Variants in RASGEF1B observed in about 807,000 individuals in gnomAD.
The protein encoded by RASGEF1B is ras-GEF domain-containing family member 1B.
A neutral mutation model predicts 65.7 loss-of-function variants in RASGEF1B; 30 were observed. The ratio of observed to expected loss-of-function variants is 0.46; its 90% confidence interval spans 0.34 to 0.62. RASGEF1B has a LOEUF of 0.62. Among genes scored for constraint, RASGEF1B ranks in the 20% least tolerant of loss-of-function variants. RASGEF1B has a pLI of 0.01. For missense variants in RASGEF1B, 495 were observed against 580.1 expected, an observed-to-expected ratio of 0.85 and a Z score of 1.51; for synonymous variants, 175 against 194.8, an observed-to-expected ratio of 0.90 and a Z score of 0.85.
intron 9 of RASGEF1B, among the ~76,000 whole-genome samples, chr4:81,441,400 T>C (rs1017306037): frequency 8.5e-5 from 13 of 152,142 alleles, no homozygotes; most frequent in Middle Eastern, 3.2e-3. Flanking sequence ...ACATTATATA[T>C]ATAATGGTAA....
chr4:81,451,775 A>G (rs1722269894), intron 4 of RASGEF1B: 1 of 152,224 alleles, frequency 6.6e-6, no homozygotes, highest in Non-Finnish European at 1.5e-5. Flanking sequence ...AACTCATTTA[A>G]AAATATTTAT....
At chr4:81,459,603 A>G (rs530217325) in intron 1 of RASGEF1B, 89 bp from the exon 2 acceptor site, 37 of 986,404 alleles carry the variant, frequency 3.8e-5, no homozygotes, top group Admixed American at 2.8e-4. Context: ...AAGATTTAAT[A>G]GTAACGAGAG....
chr4:81,459,170 C>G, intron 2 of RASGEF1B, 162 bp downstream of exon 2: 1 of 606,382 alleles, frequency 1.6e-6, no homozygotes, highest in Non-Finnish European at 2.8e-6. Flanking sequence ...CTTATCCAGG[C>G]TCGATTTGAT....
Position 81,440,827 on chromosome 4 carries a change from T to G in RASGEF1B, c.1104+7A>C. On this transcript the variant is annotated splice_region_variant and intron_variant, in intron 10 of 13. Coordinates refer to ENST00000264400, the MANE Select transcript of RASGEF1B (RefSeq NM_152545.3). ...ACCATAAGAAAGATACTTCTTTAAG[T>G]GCATACCTTTTCTCTACTACTATGA... 1 of 1,565,800 alleles carries G rather than the reference T, an allele frequency of 6.4e-7. No homozygotes were observed.
chr4:81,466,260 G>A (rs1722798858), intron 1 of RASGEF1B, among the ~76,000 whole-genome samples: 1 of 152,128 alleles, frequency 6.6e-6, no homozygotes, highest in South Asian at 2.1e-4. Flanking sequence ...CCTTGAAGCT[G>A]CATAGATCTG....
At chr4:81,437,016 G>A (rs184662350) in intron 10 of RASGEF1B, among the ~76,000 whole-genome samples, 29 of 152,196 alleles carry the variant, frequency 1.9e-4, no homozygotes, top group Admixed American at 1.3e-3. Context: ...CATTATGTTA[G>A]AACTAAACAG....
intron 1 of RASGEF1B, among the ~76,000 whole-genome samples, chr4:81,470,239 A>G (rs1261487979): frequency 6.6e-6 from 1 of 152,228 alleles, no homozygotes; most frequent in Non-Finnish European, 1.5e-5. Flanking sequence ...TATTAAAGAA[A>G]GCAACTCTAT....
chr4:81,449,132 C>T (rs886730385), intron 4 of RASGEF1B, among the ~76,000 whole-genome samples: 8 of 152,174 alleles, frequency 5.3e-5, no homozygotes, highest in Non-Finnish European at 1.0e-4. Flanking sequence ...TTGACTTACA[C>T]ATAAAATGTG....
Position 81,440,872 on chromosome 4 carries a change from C to A in RASGEF1B, c.1066G>T (p.Ala356Ser). The A allele has an allele frequency of 6.2e-7, 1 of 1,612,898 alleles. No homozygotes were observed. The highest frequency in any genetic ancestry group is 8.5e-7 in the Non-Finnish European group (1 of 1,179,186). The change falls in exon 10 of 14, where the codon GCA becomes TCA. Residue 356 changes from alanine (A) to serine (S), a missense_variant. By Grantham distance (99) the Ala-to-Ser change is moderately conservative. Coordinates refer to ENST00000264400, the MANE Select transcript of RASGEF1B (RefSeq NM_152545.3). Reference protein sequence around the residue: ...YNYRTALRGAAQRSLTAHSSR... With the variant: ...YNYRTALRGASQRSLTAHSSR... ...CTATGAGCAGTTAAAGACCTTTGTG[C>A]TGCCCCACGAAGAGCTGTTCGATAA...
At position 81,448,130 on chromosome 4, in the gene RASGEF1B, T is replaced by C. The variant is rs748675949; in HGVS notation, c.593A>G (p.Asp198Gly). Reference sequence around the variant, plus strand: ...AGGGTCGTTGCAGACAGTAATGATATCCCTTTGTATAGACTGTGGCTTGGT... The same window carrying C: ...AGGGTCGTTGCAGACAGTAATGATACCCCTTTGTATAGACTGTGGCTTGGT... The part of the protein sequence containing the change: ...LKTKPQSIQR[D>G]IITVCNDPYT... Residue 198 changes from aspartate to glycine, a missense_variant, in exon 5 of 14, where the codon GAT (aspartate) becomes GGT (glycine). Coordinates refer to ENST00000264400, the MANE Select transcript of RASGEF1B (RefSeq NM_152545.3). The C allele has an allele frequency of 1.2e-6, 2 of 1,614,178 alleles. No individual in the cohort carries two copies. The highest frequency in any genetic ancestry group is 1.7e-6 in the Non-Finnish European group (2 of 1,180,030).
At chr4:81,451,044 T>G (rs148211150) in intron 4 of RASGEF1B, 3 of 152,296 alleles carry the variant, frequency 2.0e-5, no homozygotes, top group African/African-American at 7.2e-5. Flanking sequence ...GATACTTAAT[T>G]ACAGCATATA....
chr4:81,467,354 T>C (rs1294618299), intron 1 of RASGEF1B, among the ~76,000 whole-genome samples: 1 of 152,186 alleles, frequency 6.6e-6, no homozygotes, highest in Non-Finnish European at 1.5e-5. Flanking sequence ...AAGCTAAGAT[T>C]TGTCATCTTT....
rs111973929 is a variant in RASGEF1B at position 81,433,171 on chromosome 4, G to A, written c.1324+669C>T. Among the ~76,000 whole-genome samples the A allele has an allele frequency of 9.0e-3, 1,359 of 151,626 alleles. 17 individuals carry two copies. Among genetic ancestry groups the A allele is most frequent in the African/African-American group, 0.029 (1,183 of 41,240 alleles). On this transcript the variant is annotated intron_variant, in intron 12 of 13. Transcript: ENST00000264400. ...TTGAGCCCAGGAGGTTGAGGCTGCA[G>A]TGAGCTGTGATCGTGCCACTGCGCT...
chr4:81,445,897 T>C, intron 6 of RASGEF1B, 59 bp from the exon 7 acceptor site: 1 of 1,259,474 alleles, frequency 7.9e-7, no homozygotes, highest in Non-Finnish European at 1.1e-6. Flanking sequence ...TAGTGGACTC[T>C]CATTTTGTGA....
chr4:81,426,578 C>T lies in RASGEF1B; in HGVS notation c.*1190G>A, dbSNP rs1013979284. 3 of 152,152 alleles carry T rather than the reference C, an allele frequency of 2.0e-5. No individual in the cohort carries two copies. The highest frequency in any genetic ancestry group is 2.9e-5 in the Non-Finnish European group (2 of 68,032). The allele number at this position is 152,152 out of a possible 1,614,324, so 9.4% of individuals were successfully genotyped here. A position where few individuals can be genotyped will look rare whatever the true frequency, so the allele number is the denominator to read the frequency against. On this transcript the variant is annotated 3_prime_UTR_variant, in exon 14 of 14. Coordinates refer to ENST00000264400, the MANE Select transcript of RASGEF1B (RefSeq NM_152545.3). ...TTTCTCATTAGCACGAATTACTACT[C>T]TACAGTTTCTTCTAGAGTAAATAAA...
chr4:81,435,529 T>C (rs1373435584), intron 10 of RASGEF1B, among the ~76,000 whole-genome samples: 2 of 122,884 alleles, frequency 1.6e-5, no homozygotes, highest in Admixed American at 8.8e-5. Flanking sequence ...AGTGCAGTAG[T>C]GCGATCTCTG....
At chr4:81,468,707 C>A (rs892775404) in intron 1 of RASGEF1B, among the ~76,000 whole-genome samples, 1 of 152,198 alleles carries the variant, frequency 6.6e-6, no homozygotes, top group Non-Finnish European at 1.5e-5. Flanking sequence ...TCACTCTCCT[C>A]TCTTCATTTC....
intron 3 of RASGEF1B, 114 bp from the exon 4 acceptor site, chr4:81,456,902 A>C (rs777946587): frequency 7.8e-5 from 73 of 933,776 alleles, no homozygotes; most frequent in Admixed American, 1.8e-4. Flanking sequence ...TTTAGGGATG[A>C]AGAAGAAGCT....
chr4:81,433,191 T>A (rs1721494103), intron 12 of RASGEF1B, among the ~76,000 whole-genome samples: 2 of 151,002 alleles, frequency 1.3e-5, no homozygotes, highest in African/African-American at 4.9e-5. Flanking sequence ...ATCGTGCCAC[T>A]GCGCTCCAGC....
Sources: allele counts gnomAD v4.1 joint callset (sites outside exome capture counted in the v4.1 genomes callset), GRCh38; gene constraint gnomAD v4.1.1; transcripts MANE v1.5; gene names NCBI Gene and HGNC (gene_info 2026-07-23, HGNC 2026-07-21).